Variants in LINGO2 observed in about 807,000 individuals in gnomAD.
LINGO2 encodes leucine rich repeat and Ig domain containing 2, also known as leucine-rich repeat and immunoglobulin-like domain-containing nogo receptor-interacting protein 2.
In LINGO2, 14 loss-of-function variants were observed where a neutral mutation model predicts 30.6. The observed-to-expected ratio is 0.46, with a 90% confidence interval of 0.30 to 0.72. The LOEUF (loss-of-function observed/expected upper bound fraction) is 0.72, where lower values mean the gene tolerates loss of function less well. LINGO2 is among the 30% of genes least tolerant of loss of function. The pLI, the probability that LINGO2 is intolerant of heterozygous loss-of-function variation, is 0.07. For synonymous variants in LINGO2, 317 were observed against 288.5 expected (o/e 1.10, Z -1.00); for missense variants, 729 against 751.7 (o/e 0.97, Z 0.35).
At chr9:28,371,360 T>A (rs543714962) in intron 3 of LINGO2, among the ~76,000 whole-genome samples, 2 of 152,304 alleles carry the variant, frequency 1.3e-5, no homozygotes, top group African/African-American at 4.8e-5. Context: ...CTCATTGTTC[T>A]GGAGTCTGGG....
chr9:28,023,585 G>A (rs535600432), intron 4 of LINGO2, among the ~76,000 whole-genome samples: 1 of 152,268 alleles, frequency 6.6e-6, no homozygotes, highest in East Asian at 1.9e-4. Flanking sequence ...AGTTTTCTTA[G>A]CTTCTCCGCA....
chr9:28,817,238 A>C, the LINGO2 span, among the ~76,000 whole-genome samples: 284 of 53,198 alleles, frequency 5.3e-3, 2 homozygotes, highest in South Asian at 2.2e-3. Flanking sequence ...GACTTAAGAT[A>C]AAAAAAAAAG....
chr9:28,637,709 A>G (rs922130409), intron 1 of LINGO2, among the ~76,000 whole-genome samples: 2 of 152,166 alleles, frequency 1.3e-5, no homozygotes, highest in African/African-American at 2.4e-5. Flanking sequence ...TATCAGCTTA[A>G]GGAGATTTTG....
chr9:28,737,213 G>A, the LINGO2 span, among the ~76,000 whole-genome samples: 7 of 152,280 alleles, frequency 4.6e-5, no homozygotes, highest in African/African-American at 1.7e-4. Context: ...GCAAGAAACA[G>A]GAAAAAGGAG....
chr9:28,306,903 C>G (rs1824385731), intron 3 of LINGO2, among the ~76,000 whole-genome samples: 1 of 152,166 alleles, frequency 6.6e-6, no homozygotes, highest in South Asian at 2.1e-4. Context: ...TCTGAATAGA[C>G]CAATAACAAG....
intron 2 of LINGO2, among the ~76,000 whole-genome samples, chr9:28,417,603 C>T (rs1375118012): frequency 3.3e-5 from 5 of 152,260 alleles, no homozygotes; most frequent in African/African-American, 9.6e-5. Context: ...TTTCACTTTA[C>T]GTGATGAACT....
intron 4 of LINGO2, among the ~76,000 whole-genome samples, chr9:28,038,803 CCT>C (rs1824066244): frequency 1.3e-5 from 2 of 152,162 alleles, no homozygotes; most frequent in African/African-American, 4.8e-5. Context: ...AGAAAAGCAG[CCT>C]CTTTGCATGT....
chr9:28,474,486 A>T (rs34343198), intron 2 of LINGO2, among the ~76,000 whole-genome samples: 3,718 of 152,236 alleles, frequency 0.024, 75 homozygotes, highest in Non-Finnish European at 0.036. Flanking sequence ...TTATAAATCA[A>T]TGTAGAATAA....
At chr9:28,565,899 T>C (rs1318897942) in intron 1 of LINGO2, among the ~76,000 whole-genome samples, 1 of 152,118 alleles carries the variant, frequency 6.6e-6, no homozygotes, top group Non-Finnish European at 1.5e-5. Flanking sequence ...TGAAAGGCTA[T>C]ATAGCTTTGT....
At chr9:29,033,209 C>T in the LINGO2 span, among the ~76,000 whole-genome samples, 2 of 152,024 alleles carry the variant, frequency 1.3e-5, no homozygotes, top group South Asian at 4.2e-4. Flanking sequence ...TGCCATGATG[C>T]ACTTCCAAAG....
chr9:28,975,722 G>GGT, the LINGO2 span, among the ~76,000 whole-genome samples: 1 of 152,078 alleles, frequency 6.6e-6, no homozygotes, highest in Non-Finnish European at 1.5e-5. Flanking sequence ...TGCTTAGATT[G>GGT]GCTAGCATTG....
chr9:29,019,909 G>T, the LINGO2 span, among the ~76,000 whole-genome samples: 28 of 152,214 alleles, frequency 1.8e-4, no homozygotes, highest in Non-Finnish European at 3.5e-4. Context: ...AAGCAACAAT[G>T]CTCAGTGGGG....
chr9:29,200,996 G>A, the LINGO2 span, among the ~76,000 whole-genome samples: 1 of 151,806 alleles, frequency 6.6e-6, no homozygotes, highest in Non-Finnish European at 1.5e-5. Flanking sequence ...CTATATCAAG[G>A]GTACGTTCTA....
intron 3 of LINGO2, among the ~76,000 whole-genome samples, chr9:28,325,847 T>C (rs938439757): frequency 1.3e-5 from 2 of 152,132 alleles, no homozygotes; most frequent in African/African-American, 4.8e-5. Context: ...TCCAGTACTA[T>C]CCTATTAGCT....
chr9:29,191,925 G>A, the LINGO2 span, among the ~76,000 whole-genome samples: 242 of 151,778 alleles, frequency 1.6e-3, 1 homozygote, highest in African/African-American at 5.7e-3. Flanking sequence ...TTAATATTGA[G>A]TTCACCTTTA....
the LINGO2 span, among the ~76,000 whole-genome samples, chr9:28,881,151 A>C: frequency 0.3 from 45,756 of 151,844 alleles, 7,160 homozygotes; most frequent in East Asian, 0.45. Context: ...TATTTCTTTT[A>C]TCAGTCTCTC....
chr9:29,033,115 C>G, the LINGO2 span, among the ~76,000 whole-genome samples: 9 of 152,172 alleles, frequency 5.9e-5, no homozygotes, highest in African/African-American at 2.2e-4. Flanking sequence ...ATTGGAACAG[C>G]TTCTTATTCT....
chr9:28,854,821 T>C, the LINGO2 span, among the ~76,000 whole-genome samples: 15 of 151,916 alleles, frequency 9.9e-5, no homozygotes, highest in African/African-American at 3.6e-4. Context: ...AATTTGCAAA[T>C]TCAGCCTTAT....
intron 3 of LINGO2, among the ~76,000 whole-genome samples, chr9:28,360,138 T>A (rs548019568): frequency 4.2e-4 from 64 of 152,314 alleles, no homozygotes; most frequent in African/African-American, 1.5e-3. Flanking sequence ...CACAAAATGG[T>A]AGCCATTAAT....
Sources: gnomAD v4.1 joint callset for allele counts (sites outside exome capture counted in the v4.1 genomes callset) on GRCh38, gnomAD v4.1.1 for gene constraint, MANE v1.5 for transcripts, NCBI Gene and HGNC (gene_info 2026-07-23, HGNC 2026-07-21) for gene names.